The following DNAH14 variants were observed in gnomAD, a reference collection of about 807,000 sequenced individuals.
DNAH14 encodes the protein dynein axonemal heavy chain 14, also known as axonemal beta dynein heavy chain 14.
In DNAH14, 478 loss-of-function variants were observed where a neutral mutation model predicts 520.9. The observed-to-expected ratio is 0.92, with a 90% CI of 0.85 to 0.99. DNAH14 has a LOEUF of 0.99. DNAH14 is among the 50% of genes least tolerant of loss of function. The probability of loss-of-function intolerance (pLI) is 0.00; values close to 1 mark genes in which losing one functional copy is unlikely to be tolerated. For synonymous variants in DNAH14, 1,581 were observed against 1,757.2 expected (o/e 0.90, Z 2.51); for missense variants, 4,831 against 5,234.5 (o/e 0.92, Z 2.38).
intron 43 of DNAH14, among the ~76,000 whole-genome samples, chr1:225,249,190 T>C (rs934246983): frequency 6.6e-6 from 1 of 152,206 alleles, no homozygotes; most frequent in Non-Finnish European, 1.5e-5. Flanking sequence ...GCTTCAAAGA[T>C]GCAGGTATGA....
chr1:225,193,467 G>T lies in DNAH14; in HGVS notation c.5886+556G>T, dbSNP rs991750724. ...CTCCTCTGGAGGCTGAGGCAGTAGG[G>T]TCACTTAAGCCTGGCAGTTCAAGAC... is the stretch of plus-strand genomic sequence containing the variant. On this transcript the variant is annotated intron_variant, in intron 38 of 85. Transcript: ENST00000682510. 7.2e-5 allele frequency among the ~76,000 whole-genome samples: 11 copies of T among 152,150 alleles called. No individual in the cohort carries two copies. The East Asian group carries it at 2.1e-3, about 29-fold the overall frequency.
At chr1:225,072,287 T>C (rs780491568) in intron 17 of DNAH14, among the ~76,000 whole-genome samples, 1 of 152,236 alleles carries the variant, frequency 6.6e-6, no homozygotes, top group Non-Finnish European at 1.5e-5. Context: ...CGAAAGGCAG[T>C]CTTCAAGCTC....
At chr1:225,163,978 G>C (rs1183199748) in intron 35 of DNAH14, among the ~76,000 whole-genome samples, 2 of 151,986 alleles carry the variant, frequency 1.3e-5, no homozygotes, top group Non-Finnish European at 2.9e-5. Context: ...TCTTTTTTTA[G>C]TGTTTAATGT....
intron 34 of DNAH14, among the ~76,000 whole-genome samples, chr1:225,155,914 G>GT (rs1234719428): frequency 6.6e-6 from 1 of 152,122 alleles, no homozygotes; most frequent in African/African-American, 2.4e-5. Context: ...TGTTATCAGA[G>GT]TAAAGCACAG....
At position 225,315,824 on chromosome 1, in the gene DNAH14, G is replaced by T. The variant is rs183617355; in HGVS notation, c.9241-2759G>T. Among the ~76,000 whole-genome samples, 12 of 152,300 alleles carry T rather than the reference G, an allele frequency of 7.9e-5. No individual in the cohort carries two copies. The East Asian group carries it at 1.9e-3, about 25-fold the overall frequency. The stretch of plus-strand genomic sequence containing the variant: ...CCGCTGGAAGCTTCATCCAAGAGGG[G>T]CACCTGCCAGATGCCAGCTGGAGCT... On this transcript the variant is annotated intron_variant, in intron 60 of 85. Transcript: ENST00000682510.
In DNAH14 at chr1:225,042,823, C is replaced by G. The variant is rs2067600655; in HGVS notation, c.1489-12C>G. 6 of 1,542,356 alleles carry G rather than the reference C, an allele frequency of 3.9e-6. No individual in the cohort carries two copies. Among genetic ancestry groups the G allele is most frequent in the Non-Finnish European group, 5.3e-6 (6 of 1,142,186 alleles). ...GTTGTCACTGGCACCCTCACATTAT[C>G]CGTTAAATTAGATTTTGAATAGTGT... On this transcript the variant is annotated splice_polypyrimidine_tract_variant and intron_variant, in intron 12 of 85. Coordinates refer to ENST00000682510, the MANE Select transcript of DNAH14 (RefSeq NM_001367479.1).
At chr1:225,377,105 G>T (rs182462215) in intron 78 of DNAH14, 132 bp from the exon 79 acceptor site, 1 of 720,950 alleles carries the variant, frequency 1.4e-6, no homozygotes, top group African/African-American at 1.8e-5. Context: ...AAAGCCTTCG[G>T]TATAAAATTT....
intron 41 of DNAH14, among the ~76,000 whole-genome samples, chr1:225,225,768 G>C (rs1358428915): frequency 6.6e-6 from 1 of 152,162 alleles, no homozygotes; most frequent in Admixed American, 6.5e-5. Flanking sequence ...CAAATGAGTT[G>C]CTAACATGGG....
chr1:225,368,636 A>G (rs190924484), intron 77 of DNAH14, among the ~76,000 whole-genome samples: 49 of 152,220 alleles, frequency 3.2e-4, no homozygotes, highest in Non-Finnish European at 1.6e-4. Flanking sequence ...TTTTCTTGCA[A>G]TTGTGCTTCC....
intron 8 of DNAH14, among the ~76,000 whole-genome samples, chr1:224,989,677 A>G (rs548126988): frequency 2.2e-4 from 33 of 152,292 alleles, no homozygotes; most frequent in African/African-American, 7.7e-4. Flanking sequence ...TTTCACTATT[A>G]AAATGTTAGC....
chr1:225,375,276 C>G (rs1327959264), intron 78 of DNAH14, among the ~76,000 whole-genome samples: 1 of 152,182 alleles, frequency 6.6e-6, no homozygotes, highest in Non-Finnish European at 1.5e-5. Context: ...CTCTTCTCCC[C>G]CTCAGTTTCT....
intron 10 of DNAH14, among the ~76,000 whole-genome samples, chr1:225,022,925 TATC>T (rs1443869826): frequency 1.3e-5 from 2 of 152,142 alleles, no homozygotes; most frequent in Non-Finnish European, 2.9e-5. Flanking sequence ...AAAAGAACGA[TATC>T]ATGTCCTTTG....
intron 11 of DNAH14, among the ~76,000 whole-genome samples, chr1:225,026,967 AT>A (rs34999252): frequency 0.84 from 126,795 of 151,846 alleles, 54,856 homozygotes; most frequent in Non-Finnish European, 0.96. Flanking sequence ...TGAATCATGC[AT>A]TTTTTTTGGT....
intron 35 of DNAH14, among the ~76,000 whole-genome samples, chr1:225,165,253 G>GT (rs1440044624): frequency 3.3e-5 from 5 of 151,980 alleles, no homozygotes; most frequent in Non-Finnish European, 5.9e-5. Context: ...ATTTTATAGT[G>GT]TATCTACTCT....
At chr1:225,250,644 T>A (rs1046930496) in intron 43 of DNAH14, 2 of 533,492 alleles carry the variant, frequency 3.7e-6, no homozygotes, top group Non-Finnish European at 6.9e-6. Flanking sequence ...CATGACACAT[T>A]GGGCCACTCA....
At chr1:225,183,830 G>A (rs892727649) in intron 36 of DNAH14, among the ~76,000 whole-genome samples, 11 of 152,010 alleles carry the variant, frequency 7.2e-5, no homozygotes, top group Admixed American at 2.6e-4. Context: ...AGAGGAAATG[G>A]TTGAATTCCT....
intron 3 of DNAH14, among the ~76,000 whole-genome samples, chr1:224,957,297 T>C (rs1345366512): frequency 2.0e-5 from 3 of 152,002 alleles, no homozygotes; most frequent in African/African-American, 4.8e-5. Flanking sequence ...GTCAGGAGTT[T>C]AGAGGAAGGA....
At chr1:225,143,254 A>G (rs931766694) in intron 28 of DNAH14, among the ~76,000 whole-genome samples, 1 of 152,164 alleles carries the variant, frequency 6.6e-6, no homozygotes, top group African/African-American at 2.4e-5. Flanking sequence ...TACTTGAATC[A>G]TAAAACAAAT....
At chr1:224,934,005 G>C (rs1331257046) in intron 1 of DNAH14, among the ~76,000 whole-genome samples, 1 of 151,938 alleles carries the variant, frequency 6.6e-6, no homozygotes, top group Non-Finnish European at 1.5e-5. Flanking sequence ...TACCGTAACA[G>C]CCAGTACCAT....
Sources: gnomAD v4.1 joint callset for allele counts (sites outside exome capture counted in the v4.1 genomes callset) on GRCh38, gnomAD v4.1.1 for gene constraint, MANE v1.5 for transcripts, NCBI Gene and HGNC (gene_info 2026-07-23, HGNC 2026-07-21) for gene names.